APPL2: variants seen among roughly 807,000 people sequenced by gnomAD.
The protein encoded by APPL2 is adaptor protein, phosphotyrosine interacting with PH domain and leucine zipper 2.
APPL2 carries 84 observed loss-of-function variants against 92.7 expected under a neutral mutation model. The observed-to-expected ratio is 0.91, with a 90% CI of 0.76 to 1.09. APPL2 has a LOEUF of 1.09. Among genes scored for constraint, APPL2 ranks in the 50% least tolerant of loss-of-function variants. APPL2 has a pLI of 0.00. For missense variants in APPL2, 736 were observed against 824.5 expected (o/e 0.89, Z 1.31); for synonymous variants, 291 against 291.0 (o/e 1.00, Z 0.00).
intron 2 of APPL2, among the ~76,000 whole-genome samples, chr12:105,226,791 A>C (rs957555787): frequency 9.2e-5 from 14 of 152,212 alleles, no homozygotes; most frequent in Non-Finnish European, 1.3e-4. Context: ...TCATTTCTCT[A>C]AATTCTGAAT....
rs777772134 is a variant in APPL2, at chr12:105,174,322, C to G, written c.1987G>C (p.Glu663Gln). The change falls in exon 21 of 21, where the codon GAA becomes CAA. Residue 663 changes from glutamate (E) to glutamine (Q), a missense_variant. Glu to Gln is a conservative substitution (Grantham distance 29). Transcript: ENST00000258530. ...NPNEHRGAES[E>Q]A ...CCACAGGCGCAAGTGAGTTATGCTT[C>G]GGATTCTGCGCCTCTATGTTCGTTT... 6.2e-7 allele frequency: 1 copy of G among 1,613,782 alleles called. No individual in the cohort carries two copies. Among genetic ancestry groups the G allele is most frequent in the Non-Finnish European group, 8.5e-7 (1 of 1,179,848 alleles).
chr12:105,232,763 C>CAAAAAAA (rs55939711), intron 1 of APPL2, among the ~76,000 whole-genome samples: 5 of 78,010 alleles, frequency 6.4e-5, no homozygotes, highest in Non-Finnish European at 9.8e-5. Flanking sequence ...GACCCTGTCT[C>CAAAAAAA]AAAAAAAAAA....
At chr12:105,215,809 G>C (rs1472080223) in intron 4 of APPL2, among the ~76,000 whole-genome samples, 1 of 152,106 alleles carries the variant, frequency 6.6e-6, no homozygotes, top group African/African-American at 2.4e-5. Flanking sequence ...GGGATGCCGA[G>C]GTGGGCGGAT....
rs373940738 is a variant in APPL2, at chr12:105,208,113, A to G, written c.415+45T>C. Reference sequence around the variant, plus strand: ...TCATTGGGGGTCTCCTCCCCGCCACAGTAAGCCCACACACCCACACACCAG... The same window carrying G: ...TCATTGGGGGTCTCCTCCCCGCCACGGTAAGCCCACACACCCACACACCAG... On this transcript the variant is annotated intron_variant, in intron 6 of 20. Coordinates refer to ENST00000258530, the MANE Select transcript of APPL2 (RefSeq NM_018171.5). The G allele has an allele frequency of 3.1e-6, 5 of 1,613,772 alleles. No individual in the cohort carries two copies. In the African/African-American group the frequency reaches 4.0e-5, roughly 13 times the overall value.
chr12:105,235,535 C>T (rs775104209), intron 1 of APPL2, among the ~76,000 whole-genome samples: 12 of 152,218 alleles, frequency 7.9e-5, no homozygotes, highest in Non-Finnish European at 1.8e-4. Context: ...CTGCTGACAA[C>T]TTTACAGGTA....
chr12:105,195,672 G>T (rs1388952673), intron 11 of APPL2, 45 bp from the exon 12 acceptor site: 1 of 1,600,290 alleles, frequency 6.2e-7, no homozygotes, highest in African/African-American at 1.3e-5. Flanking sequence ...CCTGATCTCA[G>T]TGACTGGGAA....
intron 5 of APPL2, 88 bp from the exon 6 acceptor site, chr12:105,208,287 A>AAT: frequency 6.6e-7 from 1 of 1,515,156 alleles, no homozygotes. Context: ...AAAATAAGAG[A>AAT]ATATGCGTGC....
intron 8 of APPL2, among the ~76,000 whole-genome samples, chr12:105,204,731 C>T (rs562194177): frequency 1.3e-5 from 2 of 152,300 alleles, no homozygotes; most frequent in South Asian, 4.1e-4. Flanking sequence ...TCCCTGAACT[C>T]CTTTGGAATT....
At chr12:105,208,829 G>A (rs1888979173) in intron 5 of APPL2, among the ~76,000 whole-genome samples, 1 of 152,154 alleles carries the variant, frequency 6.6e-6, no homozygotes, top group African/African-American at 2.4e-5. Context: ...AGCAGTGACC[G>A]TCCAAGGTTA....
intron 14 of APPL2, among the ~76,000 whole-genome samples, chr12:105,192,503 C>CCGGA (rs1408643307): frequency 1.0e-3 from 153 of 147,362 alleles, no homozygotes; most frequent in Non-Finnish European, 9.0e-5. Flanking sequence ...CTCCACTGTC[C>CCGGA]CGTTACACTG....
intron 10 of APPL2, among the ~76,000 whole-genome samples, chr12:105,199,045 G>A (rs3829297): frequency 1.3e-5 from 2 of 152,084 alleles, no homozygotes; most frequent in African/African-American, 4.8e-5. Context: ...CAGCTGGTGT[G>A]GGGGAAGTGG....
rs763136683 is a variant in APPL2, at chr12:105,195,356, A to G, written c.1153-7T>C. The stretch of plus-strand genomic sequence containing the variant: ...TCAACTTGATCGCGACTGCCTAAAA[A>G]TCCACAGGAAGACACACTCAGTCCC... On this transcript the variant is annotated splice_polypyrimidine_tract_variant and splice_region_variant and intron_variant, in intron 13 of 20. Transcript: ENST00000258530. 1.9e-6 allele frequency: 3 copies of G among 1,614,054 alleles called. No homozygotes were observed. Among genetic ancestry groups the G allele is most frequent in the African/African-American group, 1.3e-5 (1 of 74,922 alleles).
At chr12:105,176,625 C>T (rs187815502) in intron 19 of APPL2, among the ~76,000 whole-genome samples, 42 of 152,164 alleles carry the variant, frequency 2.8e-4, no homozygotes, top group African/African-American at 9.6e-4. Context: ...CCTTATATCC[C>T]GACTAAATAA....
At chr12:105,209,050 T>C (rs7132816) in intron 5 of APPL2, among the ~76,000 whole-genome samples, 20,237 of 152,130 alleles carry the variant, frequency 0.13, 1,567 homozygotes, top group African/African-American at 0.22. Flanking sequence ...TTCTGCCCTT[T>C]CCTGCTTGCA....
chr12:105,180,909 CAG>C (rs1886050137), intron 17 of APPL2, among the ~76,000 whole-genome samples: 1 of 152,170 alleles, frequency 6.6e-6, no homozygotes, highest in Admixed American at 6.5e-5. Flanking sequence ...CATCTTTAAA[CAG>C]AGATAATCTG....
chr12:105,231,180 G>T (rs1046947037), intron 1 of APPL2, among the ~76,000 whole-genome samples: 7 of 152,194 alleles, frequency 4.6e-5, no homozygotes, highest in African/African-American at 1.7e-4. Flanking sequence ...AATGAGAAGT[G>T]ATATAACTGG....
At chr12:105,177,067 A>G (rs1282935911) in intron 18 of APPL2, 51 bp from the exon 19 acceptor site, 1 of 1,611,554 alleles carries the variant, frequency 6.2e-7, no homozygotes, top group Admixed American at 1.7e-5. Flanking sequence ...AGAATTAAAA[A>G]CTGACAAGGC....
intron 17 of APPL2, among the ~76,000 whole-genome samples, chr12:105,179,039 GGTTT>G (rs1173948014): frequency 6.6e-6 from 1 of 152,116 alleles, no homozygotes; most frequent in Non-Finnish European, 1.5e-5. Flanking sequence ...AGAACGTGCA[GGTTT>G]GTTACATAGG....
intron 17 of APPL2, among the ~76,000 whole-genome samples, chr12:105,178,443 A>G (rs370562854): frequency 6.6e-6 from 1 of 152,158 alleles, no homozygotes; most frequent in Non-Finnish European, 1.5e-5. Context: ...AAAATGTTGT[A>G]AAATTGATTG....
Sources: gnomAD v4.1 joint callset for allele counts (sites outside exome capture counted in the v4.1 genomes callset) on GRCh38, gnomAD v4.1.1 for gene constraint, MANE v1.5 for transcripts, NCBI Gene and HGNC (gene_info 2026-07-23, HGNC 2026-07-21) for gene names.